The following NTM variants were observed in gnomAD, a reference collection of about 807,000 sequenced individuals.
NTM encodes the protein IgLON family member 2.
A neutral mutation model predicts 42.1 loss-of-function variants in NTM; 13 were observed. The observed-to-expected ratio is 0.31, with a 90% confidence interval of 0.20 to 0.49. The LOEUF (loss-of-function observed/expected upper bound fraction) is 0.49. NTM is among the 20% of genes least tolerant of loss of function. NTM has a pLI of 0.99. For synonymous variants in NTM, 187 were observed against 179.2 expected (o/e 1.04, Z -0.35); for missense variants, 373 against 452.8 (o/e 0.82, Z 1.60).
intron 2 of NTM, among the ~76,000 whole-genome samples, chr11:132,093,911 C>A (rs1342667263): frequency 6.6e-6 from 1 of 152,126 alleles, no homozygotes; most frequent in Non-Finnish European, 1.5e-5. Context: ...GAGCAAAGAG[C>A]CAATTAAATC....
intron 1 of NTM, among the ~76,000 whole-genome samples, chr11:131,813,321 C>T (rs2092814687): frequency 6.6e-6 from 1 of 152,148 alleles, no homozygotes; most frequent in Admixed American, 6.5e-5. Context: ...CAAAACATAT[C>T]TAGTAAGAAC....
At chr11:132,305,945 T>A (rs141038887) in intron 4 of NTM, among the ~76,000 whole-genome samples, 3 of 152,360 alleles carry the variant, frequency 2.0e-5, no homozygotes, top group Non-Finnish European at 4.4e-5. Context: ...TCTTTCTTGT[T>A]TGTTGTAATG....
At chr11:131,783,661 T>C (rs928011193) in intron 1 of NTM, among the ~76,000 whole-genome samples, 3 of 152,114 alleles carry the variant, frequency 2.0e-5, no homozygotes, top group African/African-American at 7.2e-5. Context: ...CCACAGTTCA[T>C]ATAAGAGCAA....
At chr11:131,658,957 G>A (rs2067587492) in intron 1 of NTM, among the ~76,000 whole-genome samples, 1 of 152,184 alleles carries the variant, frequency 6.6e-6, no homozygotes, top group Non-Finnish European at 1.5e-5. Flanking sequence ...GGGTGACAGA[G>A]CGAGACTCCA....
intron 6 of NTM, chr11:132,312,901 T>TTTAA (rs1253059116): frequency 6.6e-6 from 1 of 152,480 alleles, no homozygotes; most frequent in Non-Finnish European, 1.5e-5. Flanking sequence ...GTGCTAGCAT[T>TTTAA]TTAATGAAGC....
chr11:131,472,775 TAAAG>T (rs1460844327), intron 1 of NTM, among the ~76,000 whole-genome samples: 1 of 152,074 alleles, frequency 6.6e-6, no homozygotes, highest in Non-Finnish European at 1.5e-5. Context: ...ACTTGATAGA[TAAAG>T]AAACTGAGGC....
chr11:132,206,147 C>A (rs1453309694), intron 3 of NTM, among the ~76,000 whole-genome samples: 1 of 152,192 alleles, frequency 6.6e-6, no homozygotes, highest in Non-Finnish European at 1.5e-5. Context: ...TCTGTGACTC[C>A]AGTTTCTGTC....
At chr11:132,320,931 T>G (rs11223008) in intron 7 of NTM, among the ~76,000 whole-genome samples, 4,646 of 149,190 alleles carry the variant, frequency 0.031, 171 homozygotes, top group East Asian at 0.14. Flanking sequence ...CACCTCACAC[T>G]GCAGGGTACT....
At chr11:131,799,629 C>A (rs2091934992) in intron 1 of NTM, among the ~76,000 whole-genome samples, 1 of 152,052 alleles carries the variant, frequency 6.6e-6, no homozygotes, top group African/African-American at 2.4e-5. Flanking sequence ...ATCTGTCCAC[C>A]AGAATTGAGG....
chr11:131,735,046 T>C (rs561211850), intron 1 of NTM, among the ~76,000 whole-genome samples: 18 of 152,322 alleles, frequency 1.2e-4, no homozygotes, highest in Admixed American at 2.6e-4. Context: ...TCCATCTGAC[T>C]CAATGGCCTT....
chr11:132,250,293 T>C (rs1372412943), intron 4 of NTM, among the ~76,000 whole-genome samples: 3 of 152,164 alleles, frequency 2.0e-5, no homozygotes, highest in African/African-American at 7.2e-5. Flanking sequence ...ACAACCCCTG[T>C]TGCTTTTAAG....
intron 1 of NTM, among the ~76,000 whole-genome samples, chr11:131,907,522 T>C (rs979678928): frequency 1.3e-5 from 2 of 152,328 alleles, no homozygotes; most frequent in Middle Eastern, 3.4e-3. Flanking sequence ...TTGAAAGGCA[T>C]TGTCCTATAG....
chr11:131,750,049 G>C (rs2082294310), intron 1 of NTM, among the ~76,000 whole-genome samples: 1 of 152,176 alleles, frequency 6.6e-6, no homozygotes, highest in African/African-American at 2.4e-5. Context: ...TGGGAACCCT[G>C]TGAGCCTTGG....
intron 1 of NTM, among the ~76,000 whole-genome samples, chr11:131,580,404 TC>T (rs1352653141): frequency 6.6e-6 from 1 of 152,020 alleles, no homozygotes; most frequent in Non-Finnish European, 1.5e-5. Flanking sequence ...GATTTGGCCC[TC>T]TCCCACCACC....
chr11:131,905,515 A>G (rs1427679059), intron 1 of NTM, among the ~76,000 whole-genome samples: 9 of 151,898 alleles, frequency 5.9e-5, no homozygotes, highest in Admixed American at 5.9e-4. Flanking sequence ...ATTCCTGCCC[A>G]TGCTTGCCCA....
intron 2 of NTM, among the ~76,000 whole-genome samples, chr11:131,932,011 C>G (rs1296811916): frequency 1.3e-5 from 2 of 152,214 alleles, no homozygotes; most frequent in African/African-American, 2.4e-5. Context: ...AAGCCCAGAG[C>G]AGCCAGGGCT....
intron 1 of NTM, among the ~76,000 whole-genome samples, chr11:131,761,678 G>T (rs1020989385): frequency 1.3e-5 from 2 of 151,950 alleles, no homozygotes; most frequent in African/African-American, 4.8e-5. Context: ...GCGTGGTGGC[G>T]CATCCCTGTA....
chr11:131,617,252 G>A (rs974926259), intron 1 of NTM, among the ~76,000 whole-genome samples: 8 of 152,112 alleles, frequency 5.3e-5, no homozygotes, highest in African/African-American at 1.7e-4. Context: ...CTAGGGTGAC[G>A]TGGCTACAGA....
chr11:132,121,746 C>T (rs964302105), intron 2 of NTM, among the ~76,000 whole-genome samples: 2 of 152,198 alleles, frequency 1.3e-5, no homozygotes, highest in Non-Finnish European at 2.9e-5. Flanking sequence ...TCTCTCGAAC[C>T]AGCCTAGACT....
Sources: allele counts gnomAD v4.1 joint callset (sites outside exome capture counted in the v4.1 genomes callset), GRCh38; gene constraint gnomAD v4.1.1; transcripts MANE v1.5; gene names NCBI Gene and HGNC (gene_info 2026-07-23, HGNC 2026-07-21).